Variants in CSMD1 observed in about 807,000 individuals in gnomAD.
CSMD1 encodes CUB and sushi domain-containing protein 1.
In CSMD1, 213 loss-of-function variants were observed where a neutral mutation model predicts 417.5. The ratio of observed to expected loss-of-function variants is 0.51; its 90% CI spans 0.46 to 0.57. CSMD1 has a LOEUF of 0.57. Among genes scored for constraint, CSMD1 ranks in the 20% least tolerant of loss-of-function variants. The probability of loss-of-function intolerance (pLI) is 0.00; values close to 1 mark genes in which losing one functional copy is unlikely to be tolerated. For synonymous variants in CSMD1, 2,862 were observed against 1,736.8 expected (o/e 1.65, Z -16.11); for missense variants, 6,923 against 4,529.7 (o/e 1.53, Z -15.17).
intron 5 of CSMD1, among the ~76,000 whole-genome samples, chr8:3,839,070 A>G (rs1802922666): frequency 7.9e-6 from 1 of 126,444 alleles, no homozygotes; most frequent in Non-Finnish European, 1.6e-5. Context: ...CTATAGATAT[A>G]TAGCCTAGGC....
In CSMD1 at chr8:3,975,557, C is replaced by T. The variant is rs368077010; in HGVS notation, c.818+22346G>A. On this transcript the variant is annotated intron_variant, in intron 5 of 69. Coordinates refer to ENST00000635120, the MANE Select transcript of CSMD1 (RefSeq NM_033225.6). ...ATGGCTTCTCCCACTGTCGGGATGA[C>T]GGGCAGCGCTTTATCAGAGAGAAGC... 1.6e-4 allele frequency among the ~76,000 whole-genome samples: 24 copies of T among 152,234 alleles called. No homozygotes were observed. The East Asian group carries it at 3.7e-3, about 23-fold the overall frequency.
At chr8:3,090,316 C>CAAAAAAAAAAAAAAAAAAAA (rs35534326) in intron 48 of CSMD1, among the ~76,000 whole-genome samples, 1 of 79,788 alleles carries the variant, frequency 1.3e-5, no homozygotes, top group Non-Finnish European at 2.3e-5. Context: ...GACTGTATTT[C>CAAAAAAAAAAAAAAAAAAAA]AAAAAAAAAA....
rs567342357 is a variant in CSMD1, at chr8:3,223,924, G to C, written c.4346-57C>G. The C allele has an allele frequency of 4.1e-5, 64 of 1,577,920 alleles. No individual in the cohort carries two copies. In the African/African-American group the frequency reaches 6.9e-4, roughly 17 times the overall value. On this transcript the variant is annotated intron_variant, in intron 27 of 69. Transcript: ENST00000635120. ...TAAGGACAGCGAAGAACGCCTGCCA[G>C]TCAGTGTGGAAGGAGACACCACAGA...
intron 3 of CSMD1, among the ~76,000 whole-genome samples, chr8:4,218,255 G>A (rs368361499): frequency 2.6e-5 from 4 of 152,136 alleles, no homozygotes; most frequent in African/African-American, 9.7e-5. Context: ...CAATTTATCT[G>A]AATTGCGTGT....
At chr8:3,091,782 C>T (rs1265129359) in intron 47 of CSMD1, 120 bp from the exon 48 acceptor site, 5 of 752,474 alleles carry the variant, frequency 6.6e-6, no homozygotes, top group Non-Finnish European at 8.0e-6. Context: ...ATAATTATTA[C>T]AAAAGTGGAC....
At chr8:4,609,756 G>C (rs747788793) in intron 2 of CSMD1, among the ~76,000 whole-genome samples, 1 of 152,138 alleles carries the variant, frequency 6.6e-6, no homozygotes, top group Non-Finnish European at 1.5e-5. Context: ...AAGAAGCAGG[G>C]ATGAAGTACT....
At chr8:4,744,601 C>G (rs1410366909) in intron 1 of CSMD1, among the ~76,000 whole-genome samples, 1 of 152,082 alleles carries the variant, frequency 6.6e-6, no homozygotes, top group Non-Finnish European at 1.5e-5. Context: ...TTCGTGGTAG[C>G]AAAAATTAGC....
intron 54 of CSMD1, among the ~76,000 whole-genome samples, chr8:2,997,731 T>C (rs929450397): frequency 2.6e-5 from 4 of 152,078 alleles, no homozygotes; most frequent in African/African-American, 9.7e-5. Context: ...AGGGTAGAAA[T>C]AAATGTGTAA....
At position 2,951,132 on chromosome 8, in the gene CSMD1, C is replaced by G. The variant is rs1328277197; in HGVS notation, c.10183G>C (p.Val3395Leu). ...VNATFSEASP[V>L]ELKLTGIYKK... ...GACCTACCTGTCAACTTCAGCTCCA[C>G]TGGCGAGGCTTCGCTGAAGGTGGCA... The change falls in exon 66 of 70, where the codon GTG becomes CTG. Residue 3395 changes from valine to leucine, a missense_variant. By Grantham distance (32) the Val-to-Leu change is conservative. Coordinates refer to ENST00000635120, the MANE Select transcript of CSMD1 (RefSeq NM_033225.6). The G allele has an allele frequency of 6.2e-7, 1 of 1,613,198 alleles. No homozygotes were observed. The highest frequency in any genetic ancestry group is 2.2e-5 in the East Asian group (1 of 44,854).
chr8:3,589,965 G>GGACA lies in CSMD1; in HGVS notation c.1098-3706_1098-3705insTGTC, dbSNP rs1554479886. ...ATCATCCAAAATATAGGAAATTTCT[G>GGACA]GTGATATTCTTCAGAAGACATTAGA... On this transcript the variant is annotated intron_variant, in intron 8 of 69. Transcript: ENST00000635120. Among the ~76,000 whole-genome samples, 17 of 151,922 alleles carry GGACA rather than the reference G, an allele frequency of 1.1e-4. No homozygotes were observed. The South Asian group carries it at 3.6e-3, about 32-fold the overall frequency.
chr8:3,234,886 T>C (rs1585738499), intron 26 of CSMD1, among the ~76,000 whole-genome samples: 1 of 152,244 alleles, frequency 6.6e-6, no homozygotes, highest in African/African-American at 2.4e-5. Context: ...GTGATATTCC[T>C]ATAGAATCTA....
chr8:4,908,317 T>C (rs183977927), intron 1 of CSMD1, among the ~76,000 whole-genome samples: 111 of 152,352 alleles, frequency 7.3e-4, no homozygotes, highest in African/African-American at 2.6e-3. Flanking sequence ...AGTATGCATA[T>C]GATATAGGTA....
At chr8:4,136,868 G>GTC (rs1563171239) in intron 3 of CSMD1, among the ~76,000 whole-genome samples, 2 of 152,058 alleles carry the variant, frequency 1.3e-5, no homozygotes, top group Non-Finnish European at 2.9e-5. Flanking sequence ...GATTATTTAC[G>GTC]AATTTCAGAG....
At chr8:4,939,677 G>A (rs951787844) in intron 1 of CSMD1, among the ~76,000 whole-genome samples, 1 of 152,170 alleles carries the variant, frequency 6.6e-6, no homozygotes, top group African/African-American at 2.4e-5. Flanking sequence ...CTGGCCAAAT[G>A]TTACAGAATT....
chr8:4,934,652 G>T (rs2117206711), intron 1 of CSMD1, among the ~76,000 whole-genome samples: 1 of 151,992 alleles, frequency 6.6e-6, no homozygotes, highest in South Asian at 2.1e-4. Flanking sequence ...TGTATTTATT[G>T]ATCAATTATT....
At chr8:3,603,268 T>C (rs1268410118) in intron 8 of CSMD1, among the ~76,000 whole-genome samples, 1 of 152,166 alleles carries the variant, frequency 6.6e-6, no homozygotes, top group African/African-American at 2.4e-5. Flanking sequence ...GAATCCTCCT[T>C]CAAAAGCTAC....
chr8:3,532,236 G>A (rs988570177), intron 10 of CSMD1, among the ~76,000 whole-genome samples: 8 of 152,270 alleles, frequency 5.3e-5, no homozygotes, highest in African/African-American at 1.9e-4. Flanking sequence ...GTGAGACCAA[G>A]AACTCTAGGT....
intron 3 of CSMD1, among the ~76,000 whole-genome samples, chr8:4,107,633 T>G (rs1437214751): frequency 6.6e-6 from 1 of 152,136 alleles, no homozygotes; most frequent in Non-Finnish European, 1.5e-5. Flanking sequence ...GCATGTACAA[T>G]GAGCACCACC....
At chr8:3,548,234 G>T (rs1319327574) in intron 10 of CSMD1, among the ~76,000 whole-genome samples, 1 of 152,114 alleles carries the variant, frequency 6.6e-6, no homozygotes, top group Non-Finnish European at 1.5e-5. Context: ...CCATCTCAGT[G>T]CCCAGTTCTG....
Sources: gnomAD v4.1 joint callset for allele counts (sites outside exome capture counted in the v4.1 genomes callset) on GRCh38, gnomAD v4.1.1 for gene constraint, MANE v1.5 for transcripts, NCBI Gene and HGNC (gene_info 2026-07-23, HGNC 2026-07-21) for gene names.